Variants in ENPP2 observed in about 807,000 individuals in gnomAD.
The protein encoded by ENPP2 is autotaxin.
A neutral mutation model predicts 120.2 loss-of-function variants in ENPP2; 51 were observed. That is an observed-to-expected ratio of 0.42 (90% CI 0.34 to 0.54). The LOEUF (loss-of-function observed/expected upper bound fraction) is 0.54, where lower values mean the gene tolerates loss of function less well. ENPP2 is among the 20% of genes least tolerant of loss of function. The probability of loss-of-function intolerance (pLI) is 0.04; values close to 1 mark genes in which losing one functional copy is unlikely to be tolerated. For synonymous variants in ENPP2, 365 were observed against 366.4 expected (o/e 1.00, Z 0.04); for missense variants, 920 against 1,066.5 (o/e 0.86, Z 1.91).
chr8:119,586,218 A>G lies in ENPP2; in HGVS notation c.1335T>C (p.His445=). The G allele has an allele frequency of 6.2e-7, 1 of 1,614,056 alleles. No individual in the cohort carries two copies. The highest frequency in any genetic ancestry group is 1.7e-4 in the Middle Eastern group (1 of 6,060). ...CATGCCATCTGCGTTCCACCAATAA[A>G]TGGATATCCTCAATTCTTCTGTTGT... ...YANNRRIEDI[H]LLVERRWHVA... is the part of the protein sequence containing the mutation. The change falls in exon 15 of 25, where the codon CAT becomes CAC. Residue 445 remains histidine (H), a synonymous_variant. Coordinates refer to ENST00000075322, the MANE Select transcript of ENPP2 (RefSeq NM_001040092.3).
Position 119,563,912 on chromosome 8 carries a change from G to A in ENPP2, c.2265-899C>T, listed in dbSNP as rs551559245. Among the ~76,000 whole-genome samples, 12 of 150,730 alleles carry A rather than the reference G, an allele frequency of 8.0e-5. No individual in the cohort carries two copies. In the South Asian group the frequency reaches 2.6e-3, roughly 32 times the overall value. ...ACAATTAAACCCTCTTATACTCTGG[G>A]CTGCTGATTGTTTCATGCTTGTATA... On this transcript the variant is annotated intron_variant, in intron 23 of 24. Transcript: ENST00000075322.
intron 3 of ENPP2, among the ~76,000 whole-genome samples, chr8:119,623,636 G>GT (rs1183382410): frequency 1.3e-5 from 2 of 151,560 alleles, no homozygotes; most frequent in Non-Finnish European, 2.9e-5. Context: ...GTTTTGTTTT[G>GT]TTTTTTTGAG....
At chr8:119,605,961 A>C (rs192266591) in intron 9 of ENPP2, among the ~76,000 whole-genome samples, 83 of 152,360 alleles carry the variant, frequency 5.4e-4, no homozygotes, top group African/African-American at 1.9e-3. Flanking sequence ...AGATTATTTC[A>C]GAATGAAATA....
intron 12 of ENPP2, among the ~76,000 whole-genome samples, chr8:119,591,549 T>C (rs1386156899): frequency 3.3e-5 from 5 of 152,196 alleles, no homozygotes; most frequent in Non-Finnish European, 5.9e-5. Flanking sequence ...CAATTCAGTA[T>C]GTACATATTC....
In ENPP2 at chr8:119,607,981, A is replaced by C; in HGVS notation, c.778-4T>G. ...GCTTGGTGGCTGTAATCCATAGCTA[A>C]TGAGGAAAATATAAGCGGCTTAAAA... On this transcript the variant is annotated splice_polypyrimidine_tract_variant and splice_region_variant and intron_variant, in intron 8 of 24. Transcript: ENST00000075322. 1.2e-6 allele frequency: 2 copies of C among 1,602,042 alleles called. No homozygotes were observed. The highest frequency in any genetic ancestry group is 1.7e-6 in the Non-Finnish European group (2 of 1,174,168).
Position 119,582,460 on chromosome 8 carries a change from A to T in ENPP2, c.1686T>A (p.Asp562Glu). 6.2e-7 allele frequency: 1 copy of T among 1,614,140 alleles called. No individual in the cohort carries two copies. The highest frequency in any genetic ancestry group is 1.3e-5 in the African/African-American group (1 of 75,056). ...NYPGIMYLQS[D>E]FDLGCTCDDK... is the part of the protein sequence containing the mutation. ...CATCACAAGTGCAGCCCAGGTCAAA[A>T]TCAGACTGAAGGTACATAATCCCTG... The change falls in exon 18 of 25, where the codon GAT (aspartate) becomes GAA (glutamate). Residue 562 changes from aspartate (D) to glutamate (E), a missense_variant. Physicochemically the swap from Asp to Glu is conservative, Grantham distance 45. Coordinates refer to ENST00000075322, the MANE Select transcript of ENPP2 (RefSeq NM_001040092.3).
chr8:119,616,282 A>C lies in ENPP2; in HGVS notation c.760T>G (p.Trp254Gly). Residue 254 changes from tryptophan to glycine, a missense_variant, in exon 8 of 25, where the codon TGG (tryptophan) becomes GGG (glycine). Coordinates refer to ENST00000075322, the MANE Select transcript of ENPP2 (RefSeq NM_001040092.3). The stretch of plus-strand genomic sequence containing the variant: ...AAACTTACCGGTTGACCTCCCCACC[A>C]TCTATGATTAAATTTCTCTCGCCCT... ...LRGREKFNHR[W>G]WGGQPLWITA... 6.2e-7 allele frequency: 1 copy of C among 1,606,324 alleles called. No homozygotes were observed. The highest frequency in any genetic ancestry group is 8.5e-7 in the Non-Finnish European group (1 of 1,174,496).
intron 4 of ENPP2, among the ~76,000 whole-genome samples, chr8:119,620,384 G>A (rs1199427422): frequency 6.6e-6 from 1 of 152,126 alleles, no homozygotes; most frequent in Non-Finnish European, 1.5e-5. Context: ...ATAATTATTG[G>A]GTAGGGGAAA....
At chr8:119,572,189 A>G in intron 19 of ENPP2, 1 of 1,554,416 alleles carries the variant, frequency 6.4e-7, no homozygotes, top group South Asian at 1.2e-5. Context: ...TTCTAGGTTC[A>G]AAATTTCCAT....
chr8:119,585,598 T>G (rs566170801), intron 15 of ENPP2, among the ~76,000 whole-genome samples: 1 of 152,266 alleles, frequency 6.6e-6, no homozygotes, highest in Non-Finnish European at 1.5e-5. Context: ...TCCTTAATAA[T>G]TAACTCATTG....
intron 23 of ENPP2, among the ~76,000 whole-genome samples, chr8:119,564,441 G>A (rs1814227895): frequency 6.6e-6 from 1 of 152,086 alleles, no homozygotes; most frequent in Admixed American, 6.5e-5. Flanking sequence ...ACTTTGGGAG[G>A]CCGAGGAGGG....
At chr8:119,663,390 A>G (rs537114854) in intron 1 of ENPP2, among the ~76,000 whole-genome samples, 1 of 152,338 alleles carries the variant, frequency 6.6e-6, no homozygotes, top group Admixed American at 6.5e-5. Context: ...CAGGTACAAT[A>G]CTTTTTTAGT....
At chr8:119,625,237 T>C (rs1349857753) in intron 3 of ENPP2, among the ~76,000 whole-genome samples, 1 of 152,224 alleles carries the variant, frequency 6.6e-6, no homozygotes, top group Non-Finnish European at 1.5e-5. Flanking sequence ...GGAACATCTG[T>C]TCCATCTATA....
At chr8:119,667,204 T>C (rs1049204123) in intron 1 of ENPP2, among the ~76,000 whole-genome samples, 19 of 152,118 alleles carry the variant, frequency 1.2e-4, no homozygotes, top group African/African-American at 4.1e-4. Context: ...TATGTGAACT[T>C]TATACACAGA....
chr8:119,595,373 C>A (rs1813814419), intron 11 of ENPP2, among the ~76,000 whole-genome samples: 1 of 152,164 alleles, frequency 6.6e-6, no homozygotes, highest in Non-Finnish European at 1.5e-5. Flanking sequence ...TTTTCTCTTT[C>A]TTTCTGTCTT....
chr8:119,623,158 G>A (rs1163654457), intron 3 of ENPP2, among the ~76,000 whole-genome samples: 2 of 152,100 alleles, frequency 1.3e-5, no homozygotes, highest in Non-Finnish European at 1.5e-5. Flanking sequence ...ATTGTTAGGT[G>A]AATACATTAA....
At chr8:119,642,436 T>C (rs1817311130), upstream of ENPP2, among the ~76,000 whole-genome samples, 1 of 152,348 alleles carries the variant, frequency 6.6e-6, no homozygotes, top group Admixed American at 6.5e-5. Context: ...CTAACGATGG[T>C]TGACATAAAG....
At chr8:119,563,201 C>T (rs1814116647) in intron 23 of ENPP2, among the ~76,000 whole-genome samples, 188 bp from the exon 24 acceptor site, 1 of 152,032 alleles carries the variant, frequency 6.6e-6, no homozygotes, top group Non-Finnish European at 1.5e-5. Flanking sequence ...GCCTGGAATC[C>T]CCTCACTCCT....
intron 3 of ENPP2, among the ~76,000 whole-genome samples, chr8:119,625,605 A>G (rs904030561): frequency 6.6e-6 from 1 of 152,190 alleles, no homozygotes; most frequent in Admixed American, 6.5e-5. Flanking sequence ...ACAAGAAATA[A>G]CCTGCCAAGG....
Sources: allele counts gnomAD v4.1 joint callset (sites outside exome capture counted in the v4.1 genomes callset), GRCh38; gene constraint gnomAD v4.1.1; transcripts MANE v1.5; gene names NCBI Gene and HGNC (gene_info 2026-07-23, HGNC 2026-07-21).